Variants in TCF7L1 observed in about 807,000 individuals in gnomAD.
The protein encoded by TCF7L1 is transcription factor 7 like 1, also known as transcription factor 7-like 1.
TCF7L1 carries 18 observed loss-of-function variants against 63.7 expected under a neutral mutation model. That is an observed-to-expected ratio of 0.28 (90% confidence interval 0.20 to 0.42). The LOEUF is 0.42. Among genes scored for constraint, TCF7L1 ranks in the 10% least tolerant of loss-of-function variants. TCF7L1 has a pLI of 1.00. For synonymous variants in TCF7L1, 355 were observed against 340.9 expected, an observed-to-expected ratio of 1.04 and a Z score of -0.46; for missense variants, 654 against 779.3, an observed-to-expected ratio of 0.84 and a Z score of 1.91.
chr2:85,144,151 G>C (rs755154914), intron 3 of TCF7L1, among the ~76,000 whole-genome samples: 2 of 152,132 alleles, frequency 1.3e-5, no homozygotes, highest in Non-Finnish European at 2.9e-5. Flanking sequence ...TGAACCAAAT[G>C]TACAAGTATT....
intron 3 of TCF7L1, among the ~76,000 whole-genome samples, chr2:85,238,127 G>A (rs114086642): frequency 3.9e-5 from 6 of 152,248 alleles, no homozygotes; most frequent in African/African-American, 1.4e-4. Flanking sequence ...CAGTGGCAGC[G>A]AGCGAGGGAG....
intron 3 of TCF7L1, among the ~76,000 whole-genome samples, chr2:85,226,768 G>C (rs1679963725): frequency 6.6e-6 from 1 of 150,712 alleles, no homozygotes; most frequent in Non-Finnish European, 1.5e-5. Flanking sequence ...GATCACTGCA[G>C]TAGTGCCCCT....
chr2:85,216,136 C>G (rs922777891), intron 3 of TCF7L1, among the ~76,000 whole-genome samples: 1 of 152,044 alleles, frequency 6.6e-6, no homozygotes, highest in Non-Finnish European at 1.5e-5. Flanking sequence ...GTGGGGAGCC[C>G]GGCTGCCCTT....
intron 3 of TCF7L1, among the ~76,000 whole-genome samples, chr2:85,259,432 CA>C (rs1176098057): frequency 6.6e-5 from 10 of 152,188 alleles, no homozygotes; most frequent in Admixed American, 1.3e-4. Context: ...AAATTGTTCG[CA>C]TTCATTTGTT....
At chr2:85,308,096 G>T (rs899279819) in intron 11 of TCF7L1, among the ~76,000 whole-genome samples, 4 of 152,170 alleles carry the variant, frequency 2.6e-5, no homozygotes, top group Non-Finnish European at 5.9e-5. Context: ...ATCCAGGGGA[G>T]CCCGGGTTTC....
rs775375685 is a variant in TCF7L1, at chr2:85,134,491, C to A, written c.441+41C>A. The A allele has an allele frequency of 1.3e-6, 2 of 1,542,650 alleles. No homozygotes were observed. The highest frequency in any genetic ancestry group is 8.7e-7 in the Non-Finnish European group (1 of 1,143,104). ...GCGCGCCGGGGAGGGTGGGAGGCCGCGGCCCGCAGGATGCGCCCCCGGGCT... is the reference window on the plus strand; with the variant it reads ...GCGCGCCGGGGAGGGTGGGAGGCCGAGGCCCGCAGGATGCGCCCCCGGGCT... On this transcript the variant is annotated intron_variant, in intron 3 of 11. Transcript: ENST00000282111. The surrounding 1 kb of genome is among the most constrained non-coding windows in gnomAD (Gnocchi z 5.0).
At chr2:85,193,928 C>G (rs1046584748) in intron 3 of TCF7L1, among the ~76,000 whole-genome samples, 1 of 150,676 alleles carries the variant, frequency 6.6e-6, no homozygotes, top group African/African-American at 2.4e-5. Context: ...ATTCTTGCAA[C>G]TTTTGTATAA....
intron 3 of TCF7L1, among the ~76,000 whole-genome samples, chr2:85,239,725 T>C (rs533949615): frequency 7.2e-4 from 110 of 152,124 alleles, no homozygotes; most frequent in African/African-American, 2.5e-3. Context: ...GGCAGATCAC[T>C]TGAGGTCAGG....
At chr2:85,261,285 A>G (rs1023653768) in intron 3 of TCF7L1, among the ~76,000 whole-genome samples, 1 of 152,216 alleles carries the variant, frequency 6.6e-6, no homozygotes, top group Non-Finnish European at 1.5e-5. Context: ...GTAGGCCTGT[A>G]CACAAGGGCA....
intron 4 of TCF7L1, among the ~76,000 whole-genome samples, chr2:85,287,870 CTCTT>C (rs1681600916): frequency 6.6e-6 from 1 of 152,116 alleles, no homozygotes; most frequent in African/African-American, 2.4e-5. Flanking sequence ...CCAGATCCAC[CTCTT>C]TCTATTTATG....
intron 3 of TCF7L1, among the ~76,000 whole-genome samples, chr2:85,232,387 TCATTATCTA>T (rs2104314053): frequency 6.6e-6 from 1 of 152,290 alleles, no homozygotes; most frequent in East Asian, 1.9e-4. Flanking sequence ...TCAGATTTAT[TCATTATCTA>T]ACAAATACTG....
intron 3 of TCF7L1, among the ~76,000 whole-genome samples, chr2:85,159,311 G>C (rs1359289165): frequency 6.6e-6 from 1 of 152,154 alleles, no homozygotes; most frequent in Non-Finnish European, 1.5e-5. Flanking sequence ...TCCCTGGGCA[G>C]ACCATTCACT....
chr2:85,185,034 C>T (rs1678886176), intron 3 of TCF7L1, among the ~76,000 whole-genome samples: 1 of 152,154 alleles, frequency 6.6e-6, no homozygotes, highest in African/African-American at 2.4e-5. Context: ...TCTCTGACTC[C>T]ACATCTAGAG....
chr2:85,214,409 T>C (rs1367926052), intron 3 of TCF7L1, among the ~76,000 whole-genome samples: 1 of 152,218 alleles, frequency 6.6e-6, no homozygotes, highest in East Asian at 1.9e-4. Context: ...TGCCAGCCGA[T>C]AGGACTAGTT....
intron 7 of TCF7L1, 92 bp downstream of exon 7, chr2:85,304,430 C>A: frequency 7.5e-7 from 1 of 1,330,586 alleles, no homozygotes; most frequent in Non-Finnish European, 1.0e-6. Flanking sequence ...AGTTAATGAG[C>A]AGGCACAGGG....
intron 3 of TCF7L1, among the ~76,000 whole-genome samples, chr2:85,267,459 G>A (rs1681004424): frequency 6.6e-6 from 1 of 151,808 alleles, no homozygotes; most frequent in Non-Finnish European, 1.5e-5. Flanking sequence ...AGACCAACCT[G>A]GCCAACATGG....
intron 3 of TCF7L1, among the ~76,000 whole-genome samples, chr2:85,254,390 C>T (rs1680658894): frequency 6.6e-6 from 1 of 152,244 alleles, no homozygotes. Flanking sequence ...CAAGGGGGCT[C>T]CCTGGACGAA....
chr2:85,197,189 T>A (rs935988584), intron 3 of TCF7L1, among the ~76,000 whole-genome samples: 2 of 152,194 alleles, frequency 1.3e-5, no homozygotes, highest in African/African-American at 4.8e-5. Context: ...GGAAGGTAGA[T>A]CACCTGAGGT....
chr2:85,257,865 A>G (rs1015817618), intron 3 of TCF7L1, among the ~76,000 whole-genome samples: 4 of 152,154 alleles, frequency 2.6e-5, no homozygotes, highest in African/African-American at 9.7e-5. Flanking sequence ...TATGAATGTC[A>G]TGGTTCCTTC....
Sources: gnomAD v4.1 joint callset for allele counts (sites outside exome capture counted in the v4.1 genomes callset) on GRCh38, gnomAD v4.1.1 for gene constraint, Gnocchi (gnomAD v3.1) non-coding constraint, MANE v1.5 for transcripts, NCBI Gene and HGNC (gene_info 2026-07-23, HGNC 2026-07-21) for gene names.